Variants in PHACTR1 observed in about 807,000 individuals in gnomAD.
PHACTR1 encodes phosphatase and actin regulator 1.
A neutral mutation model predicts 69.2 loss-of-function variants in PHACTR1; 16 were observed. The observed-to-expected ratio is 0.23, with a 90% confidence interval of 0.16 to 0.35. The LOEUF (loss-of-function observed/expected upper bound fraction) is 0.35. Among genes scored for constraint, PHACTR1 ranks in the 10% least tolerant of loss-of-function variants. PHACTR1 has a pLI of 1.00. For synonymous variants in PHACTR1, 312 were observed against 284.5 expected (o/e 1.10, Z -0.97); for missense variants, 510 against 734.7 (o/e 0.69, Z 3.54).
chr6:12,928,267 T>C (rs940498163), intron 4 of PHACTR1, among the ~76,000 whole-genome samples: 3 of 152,294 alleles, frequency 2.0e-5, no homozygotes, highest in Middle Eastern at 3.4e-3. Flanking sequence ...GCAAGATCTC[T>C]TTCCAAAGCT....
rs546493468 is a variant in PHACTR1, at chr6:13,159,688, T to C, written c.416-516T>C. Among the ~76,000 whole-genome samples the C allele has an allele frequency of 1.2e-3, 185 of 152,350 alleles. 1 individual carries two copies. Among genetic ancestry groups the C allele is most frequent in the African/African-American group, 4.3e-3 (180 of 41,584 alleles). ...TGGGCACAGTGGCTTACCCCTGTAA[T>C]CCCAGCCCTTTGGGAGGCCAAGGCA... On this transcript the variant is annotated intron_variant, in intron 5 of 14. Coordinates refer to ENST00000332995, the MANE Select transcript of PHACTR1 (RefSeq NM_030948.6).
chr6:12,718,908 T>C (rs555067439), intron 3 of PHACTR1, 61 bp downstream of exon 3: 38 of 984,284 alleles, frequency 3.9e-5, no homozygotes, highest in Non-Finnish European at 5.3e-5. Context: ...TGAACAGCCA[T>C]GTAGGCTGTA....
At chr6:13,227,095 A>C (rs1769886561) in intron 8 of PHACTR1, among the ~76,000 whole-genome samples, 1 of 152,210 alleles carries the variant, frequency 6.6e-6, no homozygotes, top group Admixed American at 6.5e-5. Flanking sequence ...TAAGAGGTAG[A>C]ACCAAAAACA....
chr6:13,272,879 A>G lies in PHACTR1; in HGVS notation c.1411A>G (p.Thr471Ala). 1 of 1,614,102 alleles carries G rather than the reference A, an allele frequency of 6.2e-7. No homozygotes were observed. The highest frequency in any genetic ancestry group is 8.5e-7 in the Non-Finnish European group (1 of 1,179,902). ...CCGTAGGCGGCTGAGCCAGAGGCCA[A>G]CTGCAGAGGAACTGGAACAGAGGAA... The part of the protein sequence containing the change: ...KLTRRLSQRP[T>A]AEELEQRNIL... Residue 471 changes from threonine (T) to alanine (A), a missense_variant, in exon 11 of 15, where the codon ACT (threonine) becomes GCT (alanine). Physicochemically the swap from Thr to Ala is moderately conservative, Grantham distance 58. This residue lies in a region of PHACTR1 where 91 missense variants were observed against 203.8 expected (regional missense o/e 0.45). Transcript: ENST00000332995.
intron 4 of PHACTR1, among the ~76,000 whole-genome samples, chr6:13,000,154 T>A (rs143081538): frequency 1.3e-5 from 2 of 152,172 alleles, no homozygotes; most frequent in Non-Finnish European, 2.9e-5. Context: ...TCCAGAAAGA[T>A]ATGAAGAAAG....
intron 4 of PHACTR1, among the ~76,000 whole-genome samples, chr6:13,021,940 G>A (rs1801032277): frequency 1.3e-5 from 2 of 152,258 alleles, no homozygotes; most frequent in South Asian, 4.1e-4. Flanking sequence ...AAGAGAAGAG[G>A]GTCAGAGAGT....
At chr6:13,161,214 A>C (rs1017882659) in intron 6 of PHACTR1, among the ~76,000 whole-genome samples, 6 of 152,136 alleles carry the variant, frequency 3.9e-5, no homozygotes, top group Non-Finnish European at 8.8e-5. Context: ...CCTGGGCTCA[A>C]CAATCTTCCC....
At chr6:13,204,975 A>G (rs1410625484) in intron 7 of PHACTR1, among the ~76,000 whole-genome samples, 1 of 152,224 alleles carries the variant, frequency 6.6e-6, no homozygotes. Context: ...GTAGACATAT[A>G]TTGTAGACTA....
In PHACTR1 at chr6:13,063,155, C is replaced by T. The variant is rs148764164; in HGVS notation, c.415+9626C>T. Among the ~76,000 whole-genome samples the T allele has an allele frequency of 1.7e-3, 253 of 152,286 alleles. 3 individuals are homozygous for T. Among genetic ancestry groups the T allele is most frequent in the African/African-American group, 5.9e-3 (245 of 41,552 alleles). ...GAATGTATTTATGTGCCAGATGCTGCCATTGTTCATAAGAAGTCCATACCA... is the reference window on the plus strand; with the variant it reads ...GAATGTATTTATGTGCCAGATGCTGTCATTGTTCATAAGAAGTCCATACCA... On this transcript the variant is annotated intron_variant, in intron 5 of 14. Transcript: ENST00000332995.
At chr6:13,270,279 G>GCACT (rs1383108323) in intron 10 of PHACTR1, among the ~76,000 whole-genome samples, 2 of 152,212 alleles carry the variant, frequency 1.3e-5, no homozygotes, top group Admixed American at 1.3e-4. Context: ...GAGCTTCTGT[G>GCACT]CACTCTCTGG....
At chr6:12,781,319 C>A (rs1338458365) in intron 4 of PHACTR1, among the ~76,000 whole-genome samples, 1 of 152,114 alleles carries the variant, frequency 6.6e-6, no homozygotes, top group South Asian at 2.1e-4. Flanking sequence ...AACTTGTGCA[C>A]CTGCTGTCAG....
chr6:12,780,959 C>T (rs561827334), intron 4 of PHACTR1, among the ~76,000 whole-genome samples: 2 of 152,262 alleles, frequency 1.3e-5, no homozygotes, highest in Admixed American at 6.5e-5. Flanking sequence ...CTCTCTCTTT[C>T]CCCTTCAGCT....
rs528698883 is a variant in PHACTR1 at position 13,064,854 on chromosome 6, T to C, written c.415+11325T>C. ...AGTCAACTTGATTTTTGTGATTGTCTATTGTTTTTCAATAACTAATATATA... is the reference window on the plus strand; with the variant it reads ...AGTCAACTTGATTTTTGTGATTGTCCATTGTTTTTCAATAACTAATATATA... On this transcript the variant is annotated intron_variant, in intron 5 of 14. Coordinates refer to ENST00000332995, the MANE Select transcript of PHACTR1 (RefSeq NM_030948.6). 2.6e-5 allele frequency among the ~76,000 whole-genome samples: 4 copies of C among 151,822 alleles called. No homozygotes were observed. The East Asian group carries it at 7.8e-4, about 30-fold the overall frequency.
chr6:12,747,395 G>A (rs574759995), intron 3 of PHACTR1, among the ~76,000 whole-genome samples: 1 of 151,990 alleles, frequency 6.6e-6, no homozygotes, highest in Middle Eastern at 3.4e-3. Flanking sequence ...CAGCTGTGGT[G>A]GCTCATGCTT....
chr6:13,222,290 C>G (rs1768791942), intron 8 of PHACTR1, among the ~76,000 whole-genome samples: 1 of 152,198 alleles, frequency 6.6e-6, no homozygotes, highest in Admixed American at 6.5e-5. Context: ...AGATGTGACT[C>G]TCTCAGACCA....
intron 4 of PHACTR1, among the ~76,000 whole-genome samples, chr6:12,833,369 CT>C (rs1777796270): frequency 6.6e-6 from 1 of 151,994 alleles, no homozygotes; most frequent in South Asian, 2.1e-4. Flanking sequence ...CGCCATTCTC[CT>C]GCCTCATCCT....
chr6:13,096,822 G>A (rs965596919), intron 5 of PHACTR1, among the ~76,000 whole-genome samples: 1 of 152,182 alleles, frequency 6.6e-6, no homozygotes, highest in African/African-American at 2.4e-5. Flanking sequence ...AGGAGAGATT[G>A]GATCTATTCT....
At chr6:13,002,127 C>G (rs1233132053) in intron 4 of PHACTR1, among the ~76,000 whole-genome samples, 1 of 152,190 alleles carries the variant, frequency 6.6e-6, no homozygotes, top group South Asian at 2.1e-4. Context: ...TCTTTTCCCT[C>G]TTTTATAAAG....
At chr6:12,866,843 A>G (rs1367998928) in intron 4 of PHACTR1, among the ~76,000 whole-genome samples, 1 of 152,194 alleles carries the variant, frequency 6.6e-6, no homozygotes, top group African/African-American at 2.4e-5. Flanking sequence ...TAGGTGCTAA[A>G]CTAGCTTTCT....
Sources: gnomAD v4.1 joint callset for allele counts (sites outside exome capture counted in the v4.1 genomes callset) on GRCh38, gnomAD v4.1.1 for gene constraint, gnomAD v4.1.1 regional missense constraint, MANE v1.5 for transcripts, NCBI Gene and HGNC (gene_info 2026-07-23, HGNC 2026-07-21) for gene names.